Variants in TENM4 observed in about 807,000 individuals in gnomAD.
TENM4 encodes teneurin-4.
TENM4 carries 82 observed loss-of-function variants against 243.3 expected under a neutral mutation model. That is an observed-to-expected ratio of 0.34 (90% CI 0.28 to 0.40). TENM4 has a LOEUF of 0.40. TENM4 is among the 10% of genes least tolerant of loss of function. The pLI is 1.00. For missense variants in TENM4, 3,138 were observed against 3,673.3 expected (o/e 0.85, Z 3.77); for synonymous variants, 1,412 against 1,456.3 (o/e 0.97, Z 0.69).
At chr11:78,827,265 T>C (rs1857874528) in intron 12 of TENM4, among the ~76,000 whole-genome samples, 1 of 152,076 alleles carries the variant, frequency 6.6e-6, no homozygotes, top group South Asian at 2.1e-4. Flanking sequence ...AAAGCCCAAA[T>C]TTCTGAACCA....
At chr11:78,949,944 C>T (rs765749589) in intron 6 of TENM4, among the ~76,000 whole-genome samples, 7 of 152,100 alleles carry the variant, frequency 4.6e-5, no homozygotes, top group Non-Finnish European at 8.8e-5. Flanking sequence ...CATTTGAATG[C>T]TCTTTGATTC....
At chr11:79,328,713 T>C (rs1398816891) in intron 1 of TENM4, among the ~76,000 whole-genome samples, 1 of 152,208 alleles carries the variant, frequency 6.6e-6, no homozygotes, top group African/African-American at 2.4e-5. Context: ...GCTTCTGTTC[T>C]GAGTTGGAGA....
chr11:78,961,997 C>T (rs1435515510), intron 6 of TENM4: 5 of 152,350 alleles, frequency 3.3e-5, no homozygotes, highest in Non-Finnish European at 7.3e-5. Flanking sequence ...CTGCCTGAGC[C>T]CGCGGAGCCA....
At chr11:79,002,520 A>T (rs1326496014) in intron 6 of TENM4, among the ~76,000 whole-genome samples, 1 of 152,244 alleles carries the variant, frequency 6.6e-6, no homozygotes, top group Non-Finnish European at 1.5e-5. Flanking sequence ...TACAGCACAC[A>T]GCCCAAAAGT....
intron 4 of TENM4, among the ~76,000 whole-genome samples, chr11:79,116,187 T>C (rs1322347572): frequency 1.3e-5 from 2 of 152,218 alleles, no homozygotes; most frequent in Admixed American, 1.3e-4. Context: ...CTCAGAATGT[T>C]GTTGGGTGGG....
intron 27 of TENM4, among the ~76,000 whole-genome samples, chr11:78,704,054 CACACACACACAT>C (rs1328899081): frequency 6.8e-6 from 1 of 147,546 alleles, no homozygotes; most frequent in African/African-American, 2.6e-5. Context: ...CACACACACA[CACACACACACAT>C]ATATATATAA....
At chr11:79,185,287 G>A (rs1591339530) in intron 3 of TENM4, among the ~76,000 whole-genome samples, 3 of 151,950 alleles carry the variant, frequency 2.0e-5, no homozygotes, top group East Asian at 1.9e-4. Context: ...GTGACAGAGC[G>A]AGTCCCTGTC....
rs552811952 is a variant in TENM4, at chr11:79,104,600, C to T, written c.-65-34591G>A. On this transcript the variant is annotated intron_variant, in intron 4 of 33. Coordinates refer to ENST00000278550, the MANE Select transcript of TENM4 (RefSeq NM_001098816.3). Reference sequence around the variant, plus strand: ...ATGGAGTAACCCTCATTGATTTAACCGGACCCTGCAGGTGGACACTTAGGT... The same window carrying T: ...ATGGAGTAACCCTCATTGATTTAACTGGACCCTGCAGGTGGACACTTAGGT... Among the ~76,000 whole-genome samples the T allele has an allele frequency of 6.6e-5, 10 of 152,276 alleles. No individual in the cohort carries two copies. The South Asian group carries it at 1.2e-3, about 19-fold the overall frequency.
intron 2 of TENM4, among the ~76,000 whole-genome samples, chr11:79,247,416 C>CAAAAA (rs34265803): frequency 9.8e-5 from 8 of 81,300 alleles, no homozygotes; most frequent in East Asian, 3.7e-4. Flanking sequence ...GACTCTGTCT[C>CAAAAA]AAAAAAAAAA....
chr11:79,313,153 A>G (rs574489929), intron 1 of TENM4, among the ~76,000 whole-genome samples: 1 of 152,340 alleles, frequency 6.6e-6, no homozygotes, highest in East Asian at 1.9e-4. Context: ...ATTTTCAGGC[A>G]TGCAACATTC....
At chr11:78,756,509 GC>G (rs1856308457) in intron 19 of TENM4, 15 of 383,746 alleles carry the variant, frequency 3.9e-5, no homozygotes, top group South Asian at 3.7e-4. Context: ...AGAGCTGACT[GC>G]AAAGTGGGTA....
At chr11:79,028,417 G>A (rs1481824049) in intron 6 of TENM4, among the ~76,000 whole-genome samples, 1 of 152,236 alleles carries the variant, frequency 6.6e-6, no homozygotes, top group Admixed American at 6.5e-5. Context: ...GAGAAAAGCA[G>A]AACTGGGCAG....
intron 6 of TENM4, among the ~76,000 whole-genome samples, chr11:79,025,089 G>A (rs972570999): frequency 6.6e-6 from 1 of 152,170 alleles, no homozygotes; most frequent in Non-Finnish European, 1.5e-5. Flanking sequence ...GGAAGGAAAG[G>A]GATGGGGAGA....
chr11:78,761,863 G>C (rs1222014000), intron 18 of TENM4, among the ~76,000 whole-genome samples: 1 of 152,068 alleles, frequency 6.6e-6, no homozygotes, highest in East Asian at 1.9e-4. Flanking sequence ...GATGTGCCCT[G>C]TCTGCTGACT....
chr11:79,218,742 T>C (rs778898653), intron 2 of TENM4, among the ~76,000 whole-genome samples: 6 of 152,222 alleles, frequency 3.9e-5, no homozygotes, highest in Non-Finnish European at 2.9e-5. Context: ...TCCCTTTTTT[T>C]CCCAGAGTAC....
chr11:78,701,639 A>T lies in TENM4; in HGVS notation c.4974T>A (p.Ser1658Arg). The T allele has an allele frequency of 6.2e-7, 1 of 1,613,862 alleles. No homozygotes were observed. Among genetic ancestry groups the T allele is most frequent in the South Asian group, 1.1e-5 (1 of 91,066 alleles). Residue 1658 changes from serine to arginine, a missense_variant, in exon 28 of 34, where the codon AGT (serine) becomes AGA (arginine). Coordinates refer to ENST00000278550, the MANE Select transcript of TENM4 (RefSeq NM_001098816.3). ...CTTGTGTGGTCACACTCTTGAGTGC[A>T]CTGTTGGTGCCCATGGTCACCCAGT... ...QVYWVTMGTN[S>R]ALKSVTTQGH...
chr11:79,352,473 C>A (rs912441997), intron 1 of TENM4, among the ~76,000 whole-genome samples: 1 of 152,180 alleles, frequency 6.6e-6, no homozygotes, highest in Non-Finnish European at 1.5e-5. Context: ...TCCAAATGGG[C>A]TCCTCACACC....
chr11:79,197,767 A>T (rs1863659695), intron 3 of TENM4, among the ~76,000 whole-genome samples: 1 of 152,156 alleles, frequency 6.6e-6, no homozygotes, highest in African/African-American at 2.4e-5. Flanking sequence ...GTGGGGGGAA[A>T]CCTGGCTTTC....
At chr11:79,304,905 T>C (rs565430119) in intron 1 of TENM4, among the ~76,000 whole-genome samples, 33 of 152,340 alleles carry the variant, frequency 2.2e-4, no homozygotes, top group African/African-American at 7.9e-4. Context: ...CCTAAAAACA[T>C]GGAAAGTCTA....
Sources: allele counts gnomAD v4.1 joint callset (sites outside exome capture counted in the v4.1 genomes callset), GRCh38; gene constraint gnomAD v4.1.1; transcripts MANE v1.5; gene names NCBI Gene and HGNC (gene_info 2026-07-23, HGNC 2026-07-21).